The following CTNNA3 variants were observed in gnomAD, a reference collection of about 807,000 sequenced individuals.
CTNNA3 encodes the protein catenin alpha-3.
In CTNNA3, 76 loss-of-function variants were observed where a neutral mutation model predicts 95.7. That is an observed-to-expected ratio of 0.79 (90% confidence interval 0.66 to 0.96). CTNNA3 has a LOEUF of 0.96. Among genes scored for constraint, CTNNA3 ranks in the 40% least tolerant of loss-of-function variants. The probability of loss-of-function intolerance (pLI) is 0.00; values close to 1 mark genes in which losing one functional copy is unlikely to be tolerated. For missense variants in CTNNA3, 1,191 were observed against 1,089.8 expected, an observed-to-expected ratio of 1.09 and a Z score of -1.31; for synonymous variants, 431 against 374.4, an observed-to-expected ratio of 1.15 and a Z score of -1.74.
At chr10:67,388,969 A>C (rs1199589994) in intron 5 of CTNNA3, among the ~76,000 whole-genome samples, 2 of 152,184 alleles carry the variant, frequency 1.3e-5, no homozygotes, top group African/African-American at 4.8e-5. Context: ...CCAAAATGTA[A>C]AGACCATCAA....
chr10:66,794,553 C>T (rs909895301), intron 7 of CTNNA3, among the ~76,000 whole-genome samples: 1 of 152,068 alleles, frequency 6.6e-6, no homozygotes, highest in Admixed American at 6.6e-5. Context: ...CAAGTCAAAA[C>T]CTTTTTTGCT....
intron 3 of CTNNA3, among the ~76,000 whole-genome samples, chr10:67,600,657 C>T (rs979642306): frequency 1.3e-5 from 2 of 152,122 alleles, no homozygotes; most frequent in East Asian, 3.8e-4. Flanking sequence ...GTAATATCTA[C>T]TAAAGCTGGG....
chr10:66,706,172 T>C (rs1354775034), intron 9 of CTNNA3, among the ~76,000 whole-genome samples: 2 of 152,004 alleles, frequency 1.3e-5, no homozygotes, highest in East Asian at 1.9e-4. Flanking sequence ...CAAAAAACAA[T>C]GGAAATTCTT....
At chr10:65,928,025 T>G (rs1290824922) in intron 17 of CTNNA3, among the ~76,000 whole-genome samples, 1 of 152,204 alleles carries the variant, frequency 6.6e-6, no homozygotes, top group Non-Finnish European at 1.5e-5. Context: ...AATGTCACTG[T>G]TTTGTTTTAT....
chr10:66,435,109 T>G (rs1564959817), intron 11 of CTNNA3, among the ~76,000 whole-genome samples: 1 of 152,178 alleles, frequency 6.6e-6, no homozygotes. Flanking sequence ...AAATTTTCTT[T>G]TTTTTGTTGT....
chr10:66,662,317 G>T (rs73312674), intron 9 of CTNNA3, among the ~76,000 whole-genome samples: 2,576 of 152,154 alleles, frequency 0.017, 67 homozygotes, highest in African/African-American at 0.06. Flanking sequence ...TTTGCTTACT[G>T]GTCTCTCTGA....
chr10:66,868,519 G>A (rs1027533859), intron 7 of CTNNA3, among the ~76,000 whole-genome samples: 4 of 151,880 alleles, frequency 2.6e-5, no homozygotes, highest in South Asian at 2.1e-4. Flanking sequence ...TTGGGAGTCC[G>A]AGGCAGGTGG....
rs1485947386 is a variant in CTNNA3, at chr10:65,988,692, C to T, written c.2265G>A (p.Gln755=). Residue 755 remains glutamine (Q), a splice_region_variant and synonymous_variant, in exon 16 of 18, where the codon CAG becomes CAA. Transcript: ENST00000433211. ...MDVLARQIAN[Q]CPDPSCKQDL... ...TGATGTCCACTTGTAAGTAACTCACCTGATTAGCAATCTGCCGAGCAAGGA... is the reference window on the plus strand; with the variant it reads ...TGATGTCCACTTGTAAGTAACTCACTTGATTAGCAATCTGCCGAGCAAGGA... 2 of 1,611,852 alleles carry T rather than the reference C, an allele frequency of 1.2e-6. No individual in the cohort carries two copies. The highest frequency in any genetic ancestry group is 1.3e-5 in the African/African-American group (1 of 74,846).
intron 12 of CTNNA3, among the ~76,000 whole-genome samples, chr10:66,290,725 T>C (rs2132191635): frequency 6.6e-6 from 1 of 152,266 alleles, no homozygotes; most frequent in Admixed American, 6.5e-5. Flanking sequence ...GGTCTTGATT[T>C]GAATTCTAGA....
intron 5 of CTNNA3, among the ~76,000 whole-genome samples, chr10:67,371,493 C>T (rs1286929165): frequency 6.7e-6 from 1 of 149,756 alleles, no homozygotes; most frequent in Non-Finnish European, 1.5e-5. Flanking sequence ...GGTTTTTTGT[C>T]CTTGCAATAG....
rs115243700 is a variant in CTNNA3, at chr10:67,329,098, G to A, written c.580-109228C>T. Reference sequence around the variant, plus strand: ...ATATAAAATGGCAAATGGGCTGGGTGCAAGGGCTCATGCCTATAATCCTAG... The same window carrying A: ...ATATAAAATGGCAAATGGGCTGGGTACAAGGGCTCATGCCTATAATCCTAG... On this transcript the variant is annotated intron_variant, in intron 5 of 17. Transcript: ENST00000433211. Among the ~76,000 whole-genome samples, 771 of 152,294 alleles carry A rather than the reference G, an allele frequency of 5.1e-3. 9 individuals carry two copies. Among genetic ancestry groups the A allele is most frequent in the African/African-American group, 0.018 (730 of 41,562 alleles).
chr10:67,631,021 T>C (rs942822731), intron 2 of CTNNA3, among the ~76,000 whole-genome samples: 4 of 152,188 alleles, frequency 2.6e-5, no homozygotes, highest in African/African-American at 4.8e-5. Flanking sequence ...GTATACAACA[T>C]AGAGATGTAA....
intron 15 of CTNNA3, among the ~76,000 whole-genome samples, chr10:66,034,908 C>A (rs1352432789): frequency 6.9e-5 from 4 of 58,208 alleles, no homozygotes; most frequent in Non-Finnish European, 1.5e-4. Flanking sequence ...GTACATTTTA[C>A]TAAATAAGTT....
chr10:66,383,160 G>T (rs1011487125), intron 11 of CTNNA3, among the ~76,000 whole-genome samples: 1 of 152,104 alleles, frequency 6.6e-6, no homozygotes, highest in Non-Finnish European at 1.5e-5. Context: ...GCTAAAGGAG[G>T]ATGTTTGAAC....
intron 5 of CTNNA3, among the ~76,000 whole-genome samples, chr10:67,412,862 T>G (rs915182625): frequency 3.3e-5 from 5 of 152,110 alleles, no homozygotes; most frequent in African/African-American, 1.2e-4. Context: ...AAGGGAGTTC[T>G]AAACATGAAT....
rs139606795 is a variant in CTNNA3, at chr10:67,022,794, C to T, written c.1047+157523G>A. ...CTGCTAAAAATACAAAAAAATTAGC[C>T]GGGCGTGGTGGTGCACGCCTATAAT... is the stretch of plus-strand genomic sequence containing the variant. On this transcript the variant is annotated intron_variant, in intron 7 of 17. Coordinates refer to ENST00000433211, the MANE Select transcript of CTNNA3 (RefSeq NM_013266.4). 7.8e-3 allele frequency among the ~76,000 whole-genome samples: 1,191 copies of T among 151,996 alleles called. 41 individuals are homozygous for T. The East Asian group carries it at 0.11, about 14-fold the overall frequency.
intron 17 of CTNNA3, among the ~76,000 whole-genome samples, chr10:65,921,529 C>T (rs938370504): frequency 6.6e-5 from 10 of 152,210 alleles, no homozygotes; most frequent in African/African-American, 2.4e-4. Context: ...GTCTAACTCC[C>T]TATAGTTTGG....
At chr10:66,516,589 C>T (rs895903366) in intron 11 of CTNNA3, among the ~76,000 whole-genome samples, 2 of 152,102 alleles carry the variant, frequency 1.3e-5, no homozygotes, top group African/African-American at 4.8e-5. Flanking sequence ...GGTATTTATG[C>T]CACAGAAATA....
chr10:65,982,202 C>CAA (rs200261953), intron 16 of CTNNA3, among the ~76,000 whole-genome samples: 16 of 137,896 alleles, frequency 1.2e-4, no homozygotes, highest in Admixed American at 6.5e-4. Context: ...AGACGATTCT[C>CAA]AAAAAAAAAA....
Sources: gnomAD v4.1 joint callset for allele counts (sites outside exome capture counted in the v4.1 genomes callset) on GRCh38, gnomAD v4.1.1 for gene constraint, MANE v1.5 for transcripts, NCBI Gene and HGNC (gene_info 2026-07-23, HGNC 2026-07-21) for gene names.